PTPRM: variants seen among roughly 807,000 people sequenced by gnomAD.
PTPRM encodes receptor-type tyrosine-protein phosphatase mu.
Under a neutral mutation model 186.7 loss-of-function variants are expected in PTPRM, and 47 were observed. The observed-to-expected ratio is 0.25, with a 90% CI of 0.20 to 0.32. The LOEUF (loss-of-function observed/expected upper bound fraction) is 0.32, where lower values mean the gene tolerates loss of function less well. Among genes scored for constraint, PTPRM ranks in the 10% least tolerant of loss-of-function variants. The pLI is 1.00. For missense variants in PTPRM, 1,494 were observed against 1,865.0 expected, an observed-to-expected ratio of 0.80 and a Z score of 3.66; for synonymous variants, 668 against 674.9, an observed-to-expected ratio of 0.99 and a Z score of 0.16.
At chr18:8,224,089 C>T (rs2094185440) in intron 14 of PTPRM, among the ~76,000 whole-genome samples, 1 of 152,182 alleles carries the variant, frequency 6.6e-6, no homozygotes, top group African/African-American at 2.4e-5. Flanking sequence ...TTTGGCTAGA[C>T]AGCTCCCAGA....
At chr18:8,274,990 T>C (rs1423178868) in intron 19 of PTPRM, among the ~76,000 whole-genome samples, 1 of 152,210 alleles carries the variant, frequency 6.6e-6, no homozygotes, top group African/African-American at 2.4e-5. Context: ...GGAAACATGT[T>C]TCTTCTGCAA....
At chr18:7,782,216 A>G (rs968678849) in intron 2 of PTPRM, among the ~76,000 whole-genome samples, 6 of 152,170 alleles carry the variant, frequency 3.9e-5, no homozygotes, top group Non-Finnish European at 8.8e-5. Context: ...CGTGGACACC[A>G]TGTGCCCCTT....
At chr18:7,783,774 ATGTGTG>A (rs1229244931) in intron 2 of PTPRM, among the ~76,000 whole-genome samples, 1 of 79,734 alleles carries the variant, frequency 1.3e-5, no homozygotes, top group African/African-American at 5.6e-5. Context: ...GTGTGTGTGT[ATGTGTG>A]TGTGTGTGTA....
At chr18:8,172,054 A>G (rs1230768022) in intron 14 of PTPRM, among the ~76,000 whole-genome samples, 1 of 152,198 alleles carries the variant, frequency 6.6e-6, no homozygotes, top group African/African-American at 2.4e-5. Flanking sequence ...GGAAAATCAT[A>G]AGTCAGGGAC....
chr18:8,043,170 TTGG>T (rs1334904872), intron 7 of PTPRM, among the ~76,000 whole-genome samples: 1 of 152,174 alleles, frequency 6.6e-6, no homozygotes, highest in Non-Finnish European at 1.5e-5. Flanking sequence ...CTGTTTTATC[TTGG>T]TGATACATGA....
intron 1 of PTPRM, among the ~76,000 whole-genome samples, chr18:7,706,902 C>T (rs184034645): frequency 2.0e-3 from 304 of 152,110 alleles, no homozygotes; most frequent in African/African-American, 6.8e-3. Context: ...ACGTTTTAAC[C>T]TTCCTAGGAG....
At chr18:8,089,587 A>G (rs537198052) in intron 11 of PTPRM, among the ~76,000 whole-genome samples, 1 of 152,274 alleles carries the variant, frequency 6.6e-6, no homozygotes, top group South Asian at 2.1e-4. Context: ...TAAATGTTTT[A>G]CCTTTGTATT....
At chr18:8,366,588 A>T (rs1226483661) in intron 23 of PTPRM, among the ~76,000 whole-genome samples, 1 of 152,160 alleles carries the variant, frequency 6.6e-6, no homozygotes, top group Non-Finnish European at 1.5e-5. Context: ...GACCCACCTC[A>T]AAGATCTTTT....
At chr18:8,217,534 A>G (rs2147034007) in intron 14 of PTPRM, among the ~76,000 whole-genome samples, 1 of 152,338 alleles carries the variant, frequency 6.6e-6, no homozygotes, top group African/African-American at 2.4e-5. Context: ...AAGGTATTCT[A>G]CATAGCAATT....
intron 22 of PTPRM, among the ~76,000 whole-genome samples, chr18:8,326,251 G>A (rs1022502234): frequency 6.6e-6 from 1 of 151,944 alleles, no homozygotes; most frequent in African/African-American, 2.4e-5. Flanking sequence ...TCTCTACAGC[G>A]AGAACTACAA....
intron 13 of PTPRM, among the ~76,000 whole-genome samples, chr18:8,115,789 C>A (rs1036754848): frequency 6.6e-6 from 1 of 152,092 alleles, no homozygotes; most frequent in Non-Finnish European, 1.5e-5. Context: ...TTTGAATATA[C>A]CATGATGTAC....
At chr18:8,356,937 G>A (rs887473952) in intron 23 of PTPRM, among the ~76,000 whole-genome samples, 2 of 152,232 alleles carry the variant, frequency 1.3e-5, no homozygotes, top group African/African-American at 4.8e-5. Flanking sequence ...GTTTATATGA[G>A]AGATATTTTC....
At chr18:8,053,617 G>A (rs1018775374) in intron 7 of PTPRM, among the ~76,000 whole-genome samples, 14 of 152,124 alleles carry the variant, frequency 9.2e-5, no homozygotes, top group African/African-American at 2.6e-4. Context: ...TTCTTCCTAC[G>A]GAGTGTTCTG....
chr18:8,069,620 T>G (rs2089333215), intron 7 of PTPRM, 66 bp from the exon 8 acceptor site: 1 of 1,387,220 alleles, frequency 7.2e-7, no homozygotes, highest in African/African-American at 1.5e-5. Context: ...CTGTGACCTT[T>G]GGGATTGACC....
intron 21 of PTPRM, among the ~76,000 whole-genome samples, chr18:8,315,309 A>G (rs894638591): frequency 6.6e-6 from 1 of 152,204 alleles, no homozygotes; most frequent in Non-Finnish European, 1.5e-5. Flanking sequence ...GCGATTTGCA[A>G]TCCCTTGTCA....
chr18:7,724,213 C>T (rs2040502932), intron 1 of PTPRM, among the ~76,000 whole-genome samples: 1 of 152,080 alleles, frequency 6.6e-6, no homozygotes, highest in Non-Finnish European at 1.5e-5. Flanking sequence ...CTAATTTTTT[C>T]TCAAAATTCT....
intron 1 of PTPRM, among the ~76,000 whole-genome samples, chr18:7,595,624 C>G (rs1385254857): frequency 6.6e-6 from 1 of 152,156 alleles, no homozygotes; most frequent in African/African-American, 2.4e-5. Context: ...AGTGAAGTCT[C>G]AGGTGGCTAC....
intron 17 of PTPRM, among the ~76,000 whole-genome samples, chr18:8,249,731 G>T (rs56755557): frequency 0.012 from 1,857 of 152,194 alleles, 37 homozygotes; most frequent in African/African-American, 0.043. Flanking sequence ...CTTTAAAGTC[G>T]CTGCTTTGTT....
chr18:7,757,975 A>G (rs1485329627), intron 1 of PTPRM, among the ~76,000 whole-genome samples: 1 of 152,130 alleles, frequency 6.6e-6, no homozygotes, highest in Non-Finnish European at 1.5e-5. Context: ...AATGGCCATA[A>G]CAGAGGTGCT....
Sources: gnomAD v4.1 joint callset for allele counts (sites outside exome capture counted in the v4.1 genomes callset) on GRCh38, gnomAD v4.1.1 for gene constraint, MANE v1.5 for transcripts, NCBI Gene and HGNC (gene_info 2026-07-23, HGNC 2026-07-21) for gene names.